GRM8: variants seen among roughly 807,000 people sequenced by gnomAD.
GRM8 encodes the protein metabotropic glutamate receptor 8.
Under a neutral mutation model 87.2 loss-of-function variants are expected in GRM8, and 47 were observed. That is an observed-to-expected ratio of 0.54 (90% CI 0.43 to 0.69). The LOEUF is 0.69. Among genes scored for constraint, GRM8 ranks in the 30% least tolerant of loss-of-function variants. The pLI is 0.00. For synonymous variants in GRM8, 396 were observed against 404.5 expected (o/e 0.98, Z 0.25); for missense variants, 1,019 against 1,139.2 (o/e 0.89, Z 1.52).
At chr7:127,056,022 C>G (rs1342713984) in intron 3 of GRM8, among the ~76,000 whole-genome samples, 1 of 152,166 alleles carries the variant, frequency 6.6e-6, no homozygotes, top group Non-Finnish European at 1.5e-5. Context: ...GCAGTCCTTA[C>G]TGAATACTAC....
intron 1 of GRM8, among the ~76,000 whole-genome samples, chr7:127,249,199 T>C (rs1798732478): frequency 6.6e-6 from 1 of 152,178 alleles, no homozygotes; most frequent in African/African-American, 2.4e-5. Flanking sequence ...CTCTCCTAGA[T>C]ATTCCTACTT....
chr7:127,106,716 C>A lies in GRM8; in HGVS notation c.511-4G>T. ...ATGCATAGCTGATTTGAGGTATCTG[C>A]AAAACAAATGATGGGTCATTTCAAC... On this transcript the variant is annotated splice_polypyrimidine_tract_variant and splice_region_variant and intron_variant, in intron 2 of 10. Transcript: ENST00000339582. 1.9e-6 allele frequency: 3 copies of A among 1,590,712 alleles called. No homozygotes were observed. The highest frequency in any genetic ancestry group is 2.6e-6 in the Non-Finnish European group (3 of 1,158,814).
intron 7 of GRM8, among the ~76,000 whole-genome samples, chr7:126,720,897 G>C (rs1812324859): frequency 6.6e-6 from 1 of 152,142 alleles, no homozygotes; most frequent in African/African-American, 2.4e-5. Context: ...GCTTTCAGAT[G>C]GCTTTTGAGG....
chr7:127,057,385 C>A (rs1363283238), intron 3 of GRM8, among the ~76,000 whole-genome samples: 1 of 151,830 alleles, frequency 6.6e-6, no homozygotes. Context: ...TTAATAGTAA[C>A]CTAGATTTAT....
chr7:126,663,995 A>T (rs1805496499), intron 7 of GRM8, among the ~76,000 whole-genome samples: 4 of 152,328 alleles, frequency 2.6e-5, no homozygotes, highest in Admixed American at 2.6e-4. Context: ...CTATACACCA[A>T]TAATGCTCAA....
chr7:127,017,909 G>GA (rs1173670499), intron 3 of GRM8, among the ~76,000 whole-genome samples: 1 of 151,612 alleles, frequency 6.6e-6, no homozygotes, highest in Non-Finnish European at 1.5e-5. Context: ...TTTTAAAAAA[G>GA]AAAAAACAGG....
At chr7:127,037,832 C>CGT (rs367605693) in intron 3 of GRM8, among the ~76,000 whole-genome samples, 21,219 of 147,296 alleles carry the variant, frequency 0.14, 2,328 homozygotes, top group African/African-American at 0.31. Flanking sequence ...CATGCGCATC[C>CGT]GTGTGTGTGT....
At chr7:127,069,024 G>A (rs995901348) in intron 3 of GRM8, among the ~76,000 whole-genome samples, 6 of 152,062 alleles carry the variant, frequency 3.9e-5, no homozygotes, top group Admixed American at 1.3e-4. Context: ...AGTCTTTAAC[G>A]TTATTATAAA....
rs80167655 is a variant in GRM8, at chr7:126,508,584, G to C, written c.2430+24368C>G. On this transcript the variant is annotated intron_variant, in intron 9 of 10. Coordinates refer to ENST00000339582, the MANE Select transcript of GRM8 (RefSeq NM_000845.3). ...CAATAAATGAATGAGATTTGTTTTA[G>C]TGCAGTAAAATTATTTGTTGTATTT... 3.0e-3 allele frequency among the ~76,000 whole-genome samples: 454 copies of C among 152,116 alleles called. 8 individuals are homozygous for C. In the East Asian group the frequency reaches 0.054, roughly 18 times the overall value.
At chr7:126,712,690 A>C (rs1811232239) in intron 7 of GRM8, among the ~76,000 whole-genome samples, 1 of 152,218 alleles carries the variant, frequency 6.6e-6, no homozygotes. Context: ...AAAATTTTGC[A>C]ATCTATCCAT....
At chr7:126,441,876 A>C (rs554362555) in intron 10 of GRM8, among the ~76,000 whole-genome samples, 2 of 152,236 alleles carry the variant, frequency 1.3e-5, no homozygotes, top group East Asian at 3.9e-4. Flanking sequence ...TTCAGGCTAA[A>C]AATAGTTGAC....
At chr7:126,577,296 T>G (rs1795203949) in intron 8 of GRM8, among the ~76,000 whole-genome samples, 1 of 152,198 alleles carries the variant, frequency 6.6e-6, no homozygotes, top group South Asian at 2.1e-4. Context: ...ATTTCCAATC[T>G]GCAGTTACCT....
chr7:126,960,862 A>G (rs186986639), intron 3 of GRM8, among the ~76,000 whole-genome samples: 18 of 152,198 alleles, frequency 1.2e-4, no homozygotes, highest in Non-Finnish European at 2.4e-4. Flanking sequence ...ATTGAGTGGG[A>G]TCTCAAATCC....
intron 3 of GRM8, among the ~76,000 whole-genome samples, chr7:126,980,041 A>G (rs1489025306): frequency 6.6e-6 from 1 of 152,236 alleles, no homozygotes; most frequent in African/African-American, 2.4e-5. Context: ...TAGTATACAG[A>G]ATATTTTCAT....
At chr7:126,925,738 T>C (rs563164218) in intron 3 of GRM8, among the ~76,000 whole-genome samples, 17 of 152,302 alleles carry the variant, frequency 1.1e-4, no homozygotes, top group Admixed American at 3.3e-4. Flanking sequence ...GTGGTTTAAG[T>C]CTTGGCACAC....
At chr7:127,136,825 A>C (rs1278865390) in intron 2 of GRM8, among the ~76,000 whole-genome samples, 1 of 151,880 alleles carries the variant, frequency 6.6e-6, no homozygotes, top group South Asian at 2.1e-4. Flanking sequence ...TGTACCAAGC[A>C]GAAGGGCTCC....
At chr7:126,515,239 T>A (rs890893011) in intron 9 of GRM8, among the ~76,000 whole-genome samples, 1 of 152,142 alleles carries the variant, frequency 6.6e-6, no homozygotes, top group Non-Finnish European at 1.5e-5. Flanking sequence ...CAAATGTGAA[T>A]TAGGATGCTT....
At chr7:126,669,678 C>A (rs1361251354) in intron 7 of GRM8, among the ~76,000 whole-genome samples, 1 of 152,138 alleles carries the variant, frequency 6.6e-6, no homozygotes, top group Non-Finnish European at 1.5e-5. Flanking sequence ...AGTTAGCACA[C>A]AATTAAAGCA....
At chr7:126,707,200 C>T (rs1426801807) in intron 7 of GRM8, among the ~76,000 whole-genome samples, 1 of 152,028 alleles carries the variant, frequency 6.6e-6, no homozygotes, top group East Asian at 1.9e-4. Flanking sequence ...TTACAATGCT[C>T]CCCTGGCTCA....
Sources: gnomAD v4.1 joint callset for allele counts (sites outside exome capture counted in the v4.1 genomes callset) on GRCh38, gnomAD v4.1.1 for gene constraint, MANE v1.5 for transcripts, NCBI Gene and HGNC (gene_info 2026-07-23, HGNC 2026-07-21) for gene names.